HECW1: variants seen among roughly 807,000 people sequenced by gnomAD.
HECW1 encodes the protein HECT, C2 and WW domain containing E3 ubiquitin protein ligase 1, also known as E3 ubiquitin-protein ligase HECW1.
A neutral mutation model predicts 182.3 loss-of-function variants in HECW1; 61 were observed. That is an observed-to-expected ratio of 0.33 (90% CI 0.27 to 0.41). HECW1 has a LOEUF of 0.41. Among genes scored for constraint, HECW1 ranks in the 10% least tolerant of loss-of-function variants. HECW1 has a pLI of 1.00. For missense variants in HECW1, 1,739 were observed against 2,108.9 expected (o/e 0.82, Z 3.44); for synonymous variants, 859 against 832.6 (o/e 1.03, Z -0.55).
intron 2 of HECW1, among the ~76,000 whole-genome samples, chr7:43,228,915 A>T (rs1163697542): frequency 5.3e-5 from 8 of 152,214 alleles, no homozygotes; most frequent in Non-Finnish European, 1.2e-4. Flanking sequence ...AAAACAAATG[A>T]CAACGAGGAA....
In HECW1 at chr7:43,370,799, G is replaced by A. The variant is rs958096079; in HGVS notation, c.555+9819G>A. Among the ~76,000 whole-genome samples the A allele has an allele frequency of 3.9e-5, 6 of 152,014 alleles. No homozygotes were observed. The South Asian group carries it at 1.2e-3, about 32-fold the overall frequency. On this transcript the variant is annotated intron_variant, in intron 6 of 29. Transcript: ENST00000395891. ...CATCTATATGACCTTCCAAACATAT[G>A]GAGACAGTAAAAAAGATCAGTGGTT...
chr7:43,415,171 T>G (rs1361857857), intron 8 of HECW1, among the ~76,000 whole-genome samples: 34 of 148,202 alleles, frequency 2.3e-4, no homozygotes, highest in South Asian at 6.6e-4. Context: ...TGGTACCGGT[T>G]GTTCCTTTCC....
intron 29 of HECW1, among the ~76,000 whole-genome samples, chr7:43,556,419 G>T (rs1310119472): frequency 6.6e-6 from 1 of 152,226 alleles, no homozygotes. Flanking sequence ...GGGCGCAGTG[G>T]CTCACGCCTG....
intron 16 of HECW1, among the ~76,000 whole-genome samples, chr7:43,474,555 C>A (rs1393635165): frequency 2.0e-5 from 3 of 151,398 alleles, no homozygotes; most frequent in Non-Finnish European, 4.4e-5. Flanking sequence ...ACCTTATGAG[C>A]CAAATAATAA....
chr7:43,483,184 G>A (rs1270544649), intron 17 of HECW1, among the ~76,000 whole-genome samples: 3 of 152,178 alleles, frequency 2.0e-5, no homozygotes, highest in South Asian at 2.1e-4. Context: ...TTTGAGGAAA[G>A]TAATTGATTC....
intron 5 of HECW1, among the ~76,000 whole-genome samples, chr7:43,340,512 C>A (rs1021455153): frequency 6.6e-6 from 1 of 151,438 alleles, no homozygotes; most frequent in East Asian, 1.9e-4. Flanking sequence ...TGAGCCACTG[C>A]GCCCGGCCTC....
chr7:43,263,044 G>A (rs1389909987), intron 3 of HECW1, among the ~76,000 whole-genome samples: 2 of 152,172 alleles, frequency 1.3e-5, no homozygotes, highest in Admixed American at 6.5e-5. Context: ...GGTTATGATG[G>A]CTAGCAGGAT....
intron 6 of HECW1, among the ~76,000 whole-genome samples, chr7:43,385,731 A>G (rs10280162): frequency 0.14 from 21,020 of 152,190 alleles, 1,580 homozygotes; most frequent in South Asian, 0.25. Context: ...ATTTCTCCCA[A>G]GGCAAAAGAA....
chr7:43,156,534 ATCTATT>A (rs1197636433), intron 2 of HECW1, among the ~76,000 whole-genome samples: 5 of 152,242 alleles, frequency 3.3e-5, no homozygotes, highest in African/African-American at 9.6e-5. Context: ...AATGATGTGT[ATCTATT>A]TCTATGTTTG....
At position 43,243,016 on chromosome 7, in the gene HECW1, C is replaced by G. The variant is rs1799034515; in HGVS notation, c.-31-859C>G. ...GCAAGCTTGCTACTTGTTTCTTACA[C>G]GACTTCATTTGTCAGCAAAGCTTCA... On this transcript the variant is annotated intron_variant, in intron 2 of 29. Transcript: ENST00000395891. The surrounding 1 kb of genome is among the most constrained non-coding windows in gnomAD (Gnocchi z 4.0). Among the ~76,000 whole-genome samples, 1 of 152,142 alleles carries G rather than the reference C, an allele frequency of 6.6e-6. No homozygotes were observed. The highest frequency in any genetic ancestry group is 2.1e-4 in the South Asian group (1 of 4,824).
intron 29 of HECW1, 118 bp downstream of exon 29, chr7:43,554,908 T>G: frequency 3.3e-6 from 3 of 911,552 alleles, no homozygotes; most frequent in Non-Finnish European, 5.0e-6. Context: ...CCCAAAGTAT[T>G]GTCATTGGAG....
chr7:43,295,121 T>A (rs747650201), intron 3 of HECW1, among the ~76,000 whole-genome samples: 1 of 152,170 alleles, frequency 6.6e-6, no homozygotes, highest in Non-Finnish European at 1.5e-5. Flanking sequence ...TAGTCTGGCT[T>A]AGTGAAACAA....
chr7:43,118,900 C>G (rs1380476756), intron 2 of HECW1: 1 of 152,096 alleles, frequency 6.6e-6, no homozygotes, highest in Non-Finnish European at 1.5e-5. Context: ...TAAAACCGCT[C>G]CCTGACTCCA....
chr7:43,502,541 A>C (rs1266605915), intron 21 of HECW1, among the ~76,000 whole-genome samples: 3 of 152,240 alleles, frequency 2.0e-5, no homozygotes, highest in East Asian at 1.9e-4. Context: ...GCACGCCTTT[A>C]GTATCAGCTA....
rs142547365 is a variant in HECW1 at position 43,163,830 on chromosome 7, G to A, written c.-32+49439G>A. Among the ~76,000 whole-genome samples the A allele has an allele frequency of 3.5e-3, 538 of 152,254 alleles. 17 individuals carry two copies. Among genetic ancestry groups the A allele is most frequent in the Admixed American group, 0.03 (456 of 15,284 alleles). ...ATGTTTGGATTTGATGGAAGGATTT[G>A]GACAAGCAAAGATGAGGGTATTGCA... On this transcript the variant is annotated intron_variant, in intron 2 of 29. Coordinates refer to ENST00000395891, the MANE Select transcript of HECW1 (RefSeq NM_015052.5).
intron 2 of HECW1, among the ~76,000 whole-genome samples, chr7:43,125,069 T>C (rs1786063040): frequency 6.6e-6 from 1 of 152,140 alleles, no homozygotes; most frequent in South Asian, 2.1e-4. Context: ...AGAGCCCCCT[T>C]CTGGGTTGCA....
At chr7:43,477,835 A>G (rs1296472495) in intron 16 of HECW1, among the ~76,000 whole-genome samples, 1 of 152,222 alleles carries the variant, frequency 6.6e-6, no homozygotes, top group Non-Finnish European at 1.5e-5. Flanking sequence ...CCTTCCAAGA[A>G]TAATTTCTAA....
intron 3 of HECW1, among the ~76,000 whole-genome samples, chr7:43,293,506 TA>T (rs1261238771): frequency 6.6e-6 from 1 of 152,158 alleles, no homozygotes; most frequent in Non-Finnish European, 1.5e-5. Flanking sequence ...CATGGAAAGT[TA>T]GGGTTTTCCT....
At chr7:43,479,546 T>G (rs749682998) in intron 16 of HECW1, 64 bp from the exon 17 acceptor site, 74 of 1,601,698 alleles carry the variant, frequency 4.6e-5, no homozygotes, top group Non-Finnish European at 5.7e-5. Flanking sequence ...TCCTGTATAT[T>G]ACTGACTCCA....
Sources: gnomAD v4.1 joint callset for allele counts (sites outside exome capture counted in the v4.1 genomes callset) on GRCh38, gnomAD v4.1.1 for gene constraint, Gnocchi (gnomAD v3.1) non-coding constraint, MANE v1.5 for transcripts, NCBI Gene and HGNC (gene_info 2026-07-23, HGNC 2026-07-21) for gene names.